Variants in RALYL observed in about 807,000 individuals in gnomAD.
The protein encoded by RALYL is RNA-binding Raly-like protein.
RALYL carries 29 observed loss-of-function variants against 35.1 expected under a neutral mutation model. That is an observed-to-expected ratio of 0.83 (90% CI 0.61 to 1.13). The LOEUF (loss-of-function observed/expected upper bound fraction) is 1.13. Among genes scored for constraint, RALYL ranks in the 50% most tolerant of loss-of-function variants. The pLI, the probability that RALYL is intolerant of heterozygous loss-of-function variation, is 0.00. For synonymous variants in RALYL, 120 were observed against 127.6 expected (o/e 0.94, Z 0.40); for missense variants, 359 against 360.4 (o/e 1.00, Z 0.03).
intron 1 of RALYL, among the ~76,000 whole-genome samples, chr8:84,448,866 G>T (rs939225198): frequency 6.6e-6 from 1 of 151,972 alleles, no homozygotes. Context: ...GGTCATGCTA[G>T]GTTCTTCTCC....
chr8:84,496,826 T>G (rs2056088569), intron 1 of RALYL, among the ~76,000 whole-genome samples: 1 of 152,148 alleles, frequency 6.6e-6, no homozygotes, highest in Admixed American at 6.6e-5. Context: ...GTCTTCAACC[T>G]TATCCCATTT....
intron 1 of RALYL, among the ~76,000 whole-genome samples, chr8:84,240,109 A>C (rs1827543091): frequency 6.6e-6 from 1 of 152,186 alleles, no homozygotes; most frequent in East Asian, 1.9e-4. Context: ...ACTGTTTGAC[A>C]ATATTATTGT....
intron 7 of RALYL, among the ~76,000 whole-genome samples, chr8:84,885,050 G>T (rs1009774142): frequency 2.0e-5 from 3 of 151,966 alleles, no homozygotes; most frequent in South Asian, 2.1e-4. Context: ...AATGGTAAAG[G>T]ATTCAAAACT....
chr8:84,722,617 T>TATATATATATA (rs1554546342), intron 2 of RALYL, among the ~76,000 whole-genome samples: 1,286 of 96,866 alleles, frequency 0.013, 100 homozygotes, highest in African/African-American at 0.042. Context: ...TAGAGTGATT[T>TATATATATATA]TATATATATA....
intron 2 of RALYL, among the ~76,000 whole-genome samples, chr8:84,611,604 A>C (rs1818323419): frequency 6.6e-6 from 1 of 152,176 alleles, no homozygotes; most frequent in African/African-American, 2.4e-5. Flanking sequence ...TCCCTAACTT[A>C]TTGACTGGTT....
At chr8:84,400,495 T>C (rs1339630335) in intron 1 of RALYL, among the ~76,000 whole-genome samples, 2 of 152,164 alleles carry the variant, frequency 1.3e-5, no homozygotes, top group Non-Finnish European at 2.9e-5. Flanking sequence ...GGCACATTAA[T>C]TGAAGGGGCC....
rs566301797 is a variant in RALYL, at chr8:84,277,922, T to C, written c.-24+93498T>C. 7.7e-4 allele frequency among the ~76,000 whole-genome samples: 117 copies of C among 152,330 alleles called. 4 individuals are homozygous for C. In the South Asian group the frequency reaches 0.023, roughly 29 times the overall value. On this transcript the variant is annotated intron_variant, in intron 1 of 8. Transcript: ENST00000521268. ...GCTGGCATTGAGTGTCTGTGGCTTT[T>C]CCAGGTGCACAGTGCAAGCTGCCAG...
intron 2 of RALYL, among the ~76,000 whole-genome samples, chr8:84,734,109 A>C (rs1846764100): frequency 6.6e-6 from 1 of 152,154 alleles, no homozygotes; most frequent in Non-Finnish European, 1.5e-5. Context: ...TGTAATATGA[A>C]AACCCTGCAT....
chr8:84,429,326 A>G (rs183552623), intron 1 of RALYL, among the ~76,000 whole-genome samples: 123 of 152,314 alleles, frequency 8.1e-4, no homozygotes, highest in African/African-American at 2.9e-3. Context: ...CATACGAACA[A>G]TGAAGAACTG....
intron 1 of RALYL, among the ~76,000 whole-genome samples, chr8:84,411,505 T>C (rs901120710): frequency 7.9e-5 from 12 of 151,870 alleles, no homozygotes; most frequent in Non-Finnish European, 1.8e-4. Context: ...CTTTTTTTTT[T>C]CCTGGTTTTG....
chr8:84,659,398 C>T (rs146599807), intron 2 of RALYL, among the ~76,000 whole-genome samples: 1 of 152,086 alleles, frequency 6.6e-6, no homozygotes, highest in East Asian at 1.9e-4. Flanking sequence ...GCCATTGTAC[C>T]CCTCCCTGGA....
At chr8:84,842,096 A>C (rs1013365182) in intron 4 of RALYL, among the ~76,000 whole-genome samples, 2 of 152,194 alleles carry the variant, frequency 1.3e-5, no homozygotes, top group African/African-American at 4.8e-5. Context: ...AAGCTAGCAA[A>C]AGGCAAGAAA....
At chr8:84,867,601 C>T (rs745333695) in intron 6 of RALYL, among the ~76,000 whole-genome samples, 2 of 152,108 alleles carry the variant, frequency 1.3e-5, no homozygotes, top group South Asian at 2.1e-4. Flanking sequence ...ATCAGTATGA[C>T]GTGTATTTTC....
chr8:84,902,230 G>A (rs1260002356), intron 8 of RALYL, among the ~76,000 whole-genome samples: 2 of 152,116 alleles, frequency 1.3e-5, no homozygotes, highest in Non-Finnish European at 2.9e-5. Flanking sequence ...TATAATCATG[G>A]CAGAAGATGC....
intron 1 of RALYL, among the ~76,000 whole-genome samples, chr8:84,471,286 A>G (rs1490638871): frequency 2.6e-5 from 4 of 152,120 alleles, no homozygotes; most frequent in East Asian, 3.9e-4. Flanking sequence ...AAGATAGAAA[A>G]CAACAACAAC....
chr8:84,318,255 T>A (rs1844143789), intron 1 of RALYL, among the ~76,000 whole-genome samples: 1 of 152,176 alleles, frequency 6.6e-6, no homozygotes. Context: ...GGCCCTGCTT[T>A]CCAACTTGTC....
chr8:84,445,724 G>T (rs1418621592), intron 1 of RALYL, among the ~76,000 whole-genome samples: 2 of 151,144 alleles, frequency 1.3e-5, no homozygotes, highest in African/African-American at 2.4e-5. Flanking sequence ...TCATTTACTT[G>T]CAATGTGTTT....
intron 3 of RALYL, among the ~76,000 whole-genome samples, chr8:84,795,562 T>A (rs1821718071): frequency 6.6e-6 from 1 of 152,264 alleles, no homozygotes; most frequent in Non-Finnish European, 1.5e-5. Flanking sequence ...ATGGACTATA[T>A]GTCTGGAAAT....
chr8:84,536,542 T>C (rs1055650276), intron 2 of RALYL, among the ~76,000 whole-genome samples: 19 of 152,142 alleles, frequency 1.2e-4, no homozygotes, highest in African/African-American at 4.3e-4. Context: ...GTGAAATGAG[T>C]ATGGATAATC....
Sources: gnomAD v4.1 joint callset for allele counts (sites outside exome capture counted in the v4.1 genomes callset) on GRCh38, gnomAD v4.1.1 for gene constraint, MANE v1.5 for transcripts, NCBI Gene and HGNC (gene_info 2026-07-23, HGNC 2026-07-21) for gene names.